The following LIN37 variants were observed in gnomAD, a reference collection of about 807,000 sequenced individuals.
The protein encoded by LIN37 is protein lin-37 homolog.
A neutral mutation model predicts 38.0 loss-of-function variants in LIN37; 21 were observed. The observed-to-expected ratio is 0.55, with a 90% CI of 0.39 to 0.80. The LOEUF (loss-of-function observed/expected upper bound fraction) is 0.80, where lower values mean the gene tolerates loss of function less well. LIN37 is among the 30% of genes least tolerant of loss of function. The pLI, the probability that LIN37 is intolerant of heterozygous loss-of-function variation, is 0.00. For synonymous variants in LIN37, 126 were observed against 122.9 expected (o/e 1.03, Z -0.17); for missense variants, 273 against 338.5 (o/e 0.81, Z 1.52).
intron 3 of LIN37, 33 bp from the exon 4 acceptor site, chr19:35,752,771 G>A (rs778785046): frequency 1.2e-5 from 19 of 1,605,752 alleles, no homozygotes; most frequent in East Asian, 6.7e-5. Context: ...TTGCACAGGC[G>A]TTTGTCTGAG....
chr19:35,754,332 C>T lies in LIN37; in HGVS notation c.659+13C>T. 1 of 1,614,072 alleles carries T rather than the reference C, an allele frequency of 6.2e-7. No individual in the cohort carries two copies. Among genetic ancestry groups the T allele is most frequent in the Non-Finnish European group, 8.5e-7 (1 of 1,179,900 alleles). On this transcript the variant is annotated intron_variant, in intron 8 of 8. Transcript: ENST00000301159. ...GCATCCGCCAGAGGTGAGCGTCCCC[C>T]AGCCTGCTTGCCCCTCGTAGGGCCC...
intron 1 of LIN37, among the ~76,000 whole-genome samples, chr19:35,749,918 A>C (rs1053143185): frequency 5.9e-5 from 9 of 152,152 alleles, no homozygotes; most frequent in Non-Finnish European, 1.3e-4. Context: ...TGAGGAGTGC[A>C]GACTCCACCC....
At chr19:35,752,727 A>T in intron 3 of LIN37, 77 bp from the exon 4 acceptor site, 1 of 1,548,668 alleles carries the variant, frequency 6.5e-7, no homozygotes, top group Non-Finnish European at 8.8e-7. Context: ...CTCAGGTTTG[A>T]TACCAGTATC....
At position 35,748,602 on chromosome 19, in the gene LIN37, G is replaced by A; in HGVS notation, c.-123G>A. 2 of 1,358,822 alleles carry A rather than the reference G, an allele frequency of 1.5e-6. No homozygotes were observed. The highest frequency in any genetic ancestry group is 2.1e-6 in the Non-Finnish European group (2 of 950,530). 84.2% of individuals were successfully genotyped at this position (1,358,822 alleles called of 1,614,324 possible). On this transcript the variant is annotated 5_prime_UTR_variant, in exon 1 of 9. Transcript: ENST00000301159. ...CGGTCCAGGCTGGACACAACCAAAGGCGGAGGACCCGTGGCCCACGAAGCT... is the reference window on the plus strand; with the variant it reads ...CGGTCCAGGCTGGACACAACCAAAGACGGAGGACCCGTGGCCCACGAAGCT...
chr19:35,753,933 G>A (rs1970715834), intron 6 of LIN37, 84 bp from the exon 7 acceptor site: 1 of 1,498,618 alleles, frequency 6.7e-7, no homozygotes, highest in South Asian at 1.2e-5. Flanking sequence ...TTTGTTGCTG[G>A]GAAAGGCAGG....
At chr19:35,750,474 AC>A (rs1970666255) in intron 1 of LIN37, among the ~76,000 whole-genome samples, 1 of 152,168 alleles carries the variant, frequency 6.6e-6, no homozygotes, top group South Asian at 2.1e-4. Context: ...GGCTCTGAGC[AC>A]TAGAGCCAGA....
intron 1 of LIN37, among the ~76,000 whole-genome samples, chr19:35,749,928 C>T (rs1221304604): frequency 6.6e-6 from 1 of 152,076 alleles, no homozygotes; most frequent in African/African-American, 2.4e-5. Flanking sequence ...AGACTCCACC[C>T]CTGGGTGCTG....
chr19:35,752,164 C>A lies in LIN37; in HGVS notation c.35-12C>A. On this transcript the variant is annotated splice_polypyrimidine_tract_variant and intron_variant, in intron 1 of 8. Coordinates refer to ENST00000301159, the MANE Select transcript of LIN37 (RefSeq NM_019104.3). ...TGGGAGCTGACTCCTGCTGGGTCCTCTCTTGCCCCAGAGCTGGAGATGGCC... is the reference window on the plus strand; with the variant it reads ...TGGGAGCTGACTCCTGCTGGGTCCTATCTTGCCCCAGAGCTGGAGATGGCC... 3.1e-6 allele frequency: 5 copies of A among 1,587,868 alleles called. No individual in the cohort carries two copies. The highest frequency in any genetic ancestry group is 4.3e-6 in the Non-Finnish European group (5 of 1,167,180).
intron 1 of LIN37, among the ~76,000 whole-genome samples, chr19:35,749,592 G>C (rs1321922413): frequency 1.3e-5 from 2 of 150,272 alleles, no homozygotes; most frequent in Non-Finnish European, 3.0e-5. Flanking sequence ...TCAGGAGTTT[G>C]AGACCAGCCT....
At chr19:35,749,747 G>C (rs983872862) in intron 1 of LIN37, among the ~76,000 whole-genome samples, 6 of 150,916 alleles carry the variant, frequency 4.0e-5, no homozygotes, top group African/African-American at 1.5e-4. Flanking sequence ...GGAGGTTGCA[G>C]TGAGCTGAGA....
At position 35,753,210 on chromosome 19, in the gene LIN37, G is replaced by C. The variant is rs1970705951; in HGVS notation, c.401G>C (p.Cys134Ser). ...RNSPSVRERE[C>S]SPSSPLPPLP... ...AGCCCCTCTGTGCGCGAGCGTGAAT[G>C]CTCTCCCAGCTCACCCCTGCCCCCG... is the stretch of plus-strand genomic sequence containing the variant. The change falls in exon 6 of 9, where the codon TGC becomes TCC. Residue 134 changes from cysteine (C) to serine (S), a missense_variant. Transcript: ENST00000301159. The C allele has an allele frequency of 3.2e-6, 5 of 1,560,344 alleles. No homozygotes were observed. Among genetic ancestry groups the C allele is most frequent in the Middle Eastern group, 3.3e-4 (2 of 6,012 alleles).
chr19:35,752,417 A>C lies in LIN37; in HGVS notation c.111-17A>C. On this transcript the variant is annotated splice_polypyrimidine_tract_variant and intron_variant, in intron 2 of 8. Coordinates refer to ENST00000301159, the MANE Select transcript of LIN37 (RefSeq NM_019104.3). Reference sequence around the variant, plus strand: ...GGGCCCTGGAACCCTGAGCTGAGAGATCTCTTCTGCCTCTAGGGAGCGTCT... The same window carrying C: ...GGGCCCTGGAACCCTGAGCTGAGAGCTCTCTTCTGCCTCTAGGGAGCGTCT... 1 of 1,613,780 alleles carries C rather than the reference A, an allele frequency of 6.2e-7. No individual in the cohort carries two copies. Among genetic ancestry groups the C allele is most frequent in the Non-Finnish European group, 8.5e-7 (1 of 1,179,760 alleles).
At chr19:35,752,758 GT>G in intron 3 of LIN37, 45 bp from the exon 4 acceptor site, 1 of 1,600,380 alleles carries the variant, frequency 6.2e-7, no homozygotes, top group South Asian at 1.1e-5. Flanking sequence ...CCTCTGCAGG[GT>G]TTTGCACAGG....
intron 6 of LIN37, chr19:35,753,716 A>G (rs1400179197): frequency 1.9e-6 from 1 of 534,474 alleles, no homozygotes; most frequent in African/African-American, 1.9e-5. Flanking sequence ...AGAGCTTCCT[A>G]GGTGGCACAG....
intron 4 of LIN37, 36 bp downstream of exon 4, chr19:35,752,869 C>G (rs147840347): frequency 6.3e-7 from 1 of 1,598,298 alleles, no homozygotes; most frequent in African/African-American, 1.3e-5. Context: ...TGACTAGAGG[C>G]TCCCAGCTCC....
rs557130881 is a variant in LIN37 at position 35,751,812 on chromosome 19, G to C, written c.35-364G>C. 1.1e-3 allele frequency: 178 copies of C among 165,914 alleles called. 3 individuals are homozygous for C. The highest frequency in any genetic ancestry group is 4.0e-3 in the African/African-American group (169 of 41,758). 10.3% of individuals were successfully genotyped at this position (165,914 alleles called of 1,614,324 possible). On this transcript the variant is annotated intron_variant, in intron 1 of 8. Coordinates refer to ENST00000301159, the MANE Select transcript of LIN37 (RefSeq NM_019104.3). ...CCCAGCACTTTGGGAAGCCGAGATG[G>C]CTCACCTGAATCTAGGAGTTCAAGA...
In LIN37 at chr19:35,752,246, G is replaced by C. The variant is rs768495288; in HGVS notation, c.105G>C (p.Met35Ile). ...VLQCLLEKSH[M>I]DRERLDEEAG... ...AGTGTCTGCTGGAGAAGAGTCACAT[G>C]GACAGGTAGGCCAGCGTGGGGTCAC... Residue 35 changes from methionine (M) to isoleucine (I), a missense_variant, in exon 2 of 9, where the codon ATG (methionine) becomes ATC (isoleucine). Physicochemically the swap from Met to Ile is conservative, Grantham distance 10. Transcript: ENST00000301159. 8.0e-5 allele frequency: 129 copies of C among 1,605,572 alleles called. No homozygotes were observed. Among genetic ancestry groups the C allele is most frequent in the Non-Finnish European group, 1.1e-4 (126 of 1,176,144 alleles).
intron 6 of LIN37, 156 bp downstream of exon 6, chr19:35,753,409 G>A (rs1240630482): frequency 1.1e-6 from 1 of 909,130 alleles, no homozygotes; most frequent in Non-Finnish European, 1.7e-6. Flanking sequence ...GCACTCTTAG[G>A]TTGGGGTGTG....
At chr19:35,752,614 CT>C in intron 3 of LIN37, 130 bp downstream of exon 3, 1 of 1,252,286 alleles carries the variant, frequency 8.0e-7, no homozygotes, top group Non-Finnish European at 1.1e-6. Flanking sequence ...TACAAAGACC[CT>C]GTGGCAGGAG....
Sources: gnomAD v4.1 joint callset for allele counts (sites outside exome capture counted in the v4.1 genomes callset) on GRCh38, gnomAD v4.1.1 for gene constraint, MANE v1.5 for transcripts, NCBI Gene and HGNC (gene_info 2026-07-23, HGNC 2026-07-21) for gene names.